Variants in UBR1 observed in about 807,000 individuals in gnomAD.
UBR1 encodes the protein ubiquitin protein ligase E3 component n-recognin 1.
Under a neutral mutation model 242.1 loss-of-function variants are expected in UBR1, and 102 were observed. That is an observed-to-expected ratio of 0.42 (90% confidence interval 0.36 to 0.50). UBR1 has a LOEUF of 0.50. Among genes scored for constraint, UBR1 ranks in the 20% least tolerant of loss-of-function variants. UBR1 has a pLI of 0.01. For synonymous variants in UBR1, 675 were observed against 684.8 expected (o/e 0.99, Z 0.22); for missense variants, 1,772 against 2,101.8 (o/e 0.84, Z 3.07).
chr15:42,951,599 A>G (rs1350253334), intron 45 of UBR1, among the ~76,000 whole-genome samples: 1 of 152,182 alleles, frequency 6.6e-6, no homozygotes, highest in Non-Finnish European at 1.5e-5. Flanking sequence ...TGAAATAAAG[A>G]TATCACAGGA....
chr15:43,015,938 G>T, intron 28 of UBR1, 69 bp from the exon 29 acceptor site: 1 of 1,427,086 alleles, frequency 7.0e-7, no homozygotes, highest in Non-Finnish European at 9.8e-7. Flanking sequence ...TGTTTGGATG[G>T]CAAAATTCCT....
chr15:43,054,195 T>C (rs1184560327), intron 12 of UBR1, among the ~76,000 whole-genome samples: 2 of 151,118 alleles, frequency 1.3e-5, no homozygotes, highest in Non-Finnish European at 3.0e-5. Flanking sequence ...TACAAAACAA[T>C]AAAAAATTTG....
chr15:42,973,991 C>T lies in UBR1; in HGVS notation c.4369+2726G>A, dbSNP rs144615681. Reference sequence around the variant, plus strand: ...GCAAGCTCCACCTCCCGGGTTCACGCCATTCTCCTGCCTCAGCCTCCCAAG... The same window carrying T: ...GCAAGCTCCACCTCCCGGGTTCACGTCATTCTCCTGCCTCAGCCTCCCAAG... On this transcript the variant is annotated intron_variant, in intron 39 of 46. Transcript: ENST00000290650. Among the ~76,000 whole-genome samples the T allele has an allele frequency of 2.2e-3, 337 of 151,362 alleles. 3 individuals carry two copies. Among genetic ancestry groups the T allele is most frequent in the African/African-American group, 7.8e-3 (320 of 41,194 alleles).
intron 1 of UBR1, among the ~76,000 whole-genome samples, chr15:43,101,651 G>A (rs1479809587): frequency 6.6e-6 from 1 of 151,964 alleles, no homozygotes; most frequent in Non-Finnish European, 1.5e-5. Flanking sequence ...CCAATATGGT[G>A]AAACCCCACC....
rs1160622747 is a variant in UBR1 at position 42,963,990 on chromosome 15, T to G, written c.4645A>C (p.Asn1549His). Residue 1549 changes from asparagine (N) to histidine (H), a missense_variant, in exon 42 of 47, where the codon AAT becomes CAT. Transcript: ENST00000290650. ...TATTCCTGGAAGAGCAGGAACAAAT[T>G]TGTAGGTAAAGATAGATAGCTACAG... is the stretch of plus-strand genomic sequence containing the variant. ...ALCSYLSLPTNLFLLFQEYWD... is the reference protein window; with the variant it reads ...ALCSYLSLPTHLFLLFQEYWD... The G allele has an allele frequency of 6.2e-7, 1 of 1,613,540 alleles. No individual in the cohort carries two copies. Among genetic ancestry groups the G allele is most frequent in the African/African-American group, 1.3e-5 (1 of 74,966 alleles).
chr15:42,944,453 T>C lies in UBR1; in HGVS notation c.*876A>G, dbSNP rs1038075803. On this transcript the variant is annotated 3_prime_UTR_variant, in exon 47 of 47. Coordinates refer to ENST00000290650, the MANE Select transcript of UBR1 (RefSeq NM_174916.3). Reference sequence around the variant, plus strand: ...TAAATCTGATTGTTCTAATTTACAGTTGTCATGATCCACTCATTGCGAGAA... The same window carrying C: ...TAAATCTGATTGTTCTAATTTACAGCTGTCATGATCCACTCATTGCGAGAA... 5.3e-5 allele frequency: 8 copies of C among 152,262 alleles called. No individual in the cohort carries two copies. Among genetic ancestry groups the C allele is most frequent in the Non-Finnish European group, 1.2e-4 (8 of 68,032 alleles). The allele number at this position is 152,262 out of a possible 1,614,324, so 9.4% of individuals were successfully genotyped here.
intron 28 of UBR1, among the ~76,000 whole-genome samples, chr15:43,016,409 G>A (rs2033024548): frequency 6.6e-6 from 1 of 151,940 alleles, no homozygotes; most frequent in Non-Finnish European, 1.5e-5. Context: ...ATCAAAACCT[G>A]ATTCACTATA....
At chr15:43,045,191 G>C (rs1014812860) in intron 14 of UBR1, among the ~76,000 whole-genome samples, 7 of 152,164 alleles carry the variant, frequency 4.6e-5, no homozygotes, top group Non-Finnish European at 1.0e-4. Context: ...AGGTGTGGTG[G>C]CTCATGCCTA....
At chr15:42,991,775 G>A (rs1204889288) in intron 33 of UBR1, among the ~76,000 whole-genome samples, 1 of 151,840 alleles carries the variant, frequency 6.6e-6, no homozygotes, top group African/African-American at 2.4e-5. Context: ...TAGCCTTGCT[G>A]TGTTGCCCAG....
Position 42,988,946 on chromosome 15 carries a change from G to C in UBR1, c.3870C>G (p.Ile1290Met). The C allele has an allele frequency of 6.2e-7, 1 of 1,603,506 alleles. No homozygotes were observed. The highest frequency in any genetic ancestry group is 8.5e-7 in the Non-Finnish European group (1 of 1,170,466). Residue 1290 changes from isoleucine (I) to methionine (M), a missense_variant, in exon 35 of 47, where the codon ATC becomes ATG. Ile to Met is a conservative substitution (Grantham distance 10, BLOSUM62 1). Coordinates refer to ENST00000290650, the MANE Select transcript of UBR1 (RefSeq NM_174916.3). ...TGGCAAAGAGAATAACCATTTCCTT[G>C]ATGCTATTTGAATATTTAATCCTAT... The part of the protein sequence containing the change: ...VESSIKYSNS[I>M]KEMVILFATT...
At chr15:43,064,455 A>T (rs1033083507) in intron 6 of UBR1, among the ~76,000 whole-genome samples, 2 of 152,230 alleles carry the variant, frequency 1.3e-5, no homozygotes, top group Non-Finnish European at 2.9e-5. Context: ...TCCAACAAGC[A>T]AAGCAGTCAG....
At chr15:43,021,504 T>G in intron 26 of UBR1, 129 bp from the exon 27 acceptor site, 1 of 777,850 alleles carries the variant, frequency 1.3e-6, no homozygotes, top group Admixed American at 2.1e-5. Context: ...TGTAAAATGG[T>G]GTAGTATTTG....
intron 13 of UBR1, among the ~76,000 whole-genome samples, chr15:43,048,051 G>C (rs996079075): frequency 6.6e-6 from 1 of 152,082 alleles, no homozygotes; most frequent in Non-Finnish European, 1.5e-5. Context: ...GCTGGGTGTG[G>C]TGGTGCATGC....
intron 27 of UBR1, among the ~76,000 whole-genome samples, chr15:43,019,600 T>G (rs1596104539): frequency 6.8e-6 from 1 of 147,976 alleles, no homozygotes; most frequent in Admixed American, 6.7e-5. Context: ...TTTTTTTTTT[T>G]GAGACAGAGT....
intron 37 of UBR1, among the ~76,000 whole-genome samples, chr15:42,980,077 C>G (rs2032352102): frequency 6.6e-6 from 1 of 152,068 alleles, no homozygotes; most frequent in African/African-American, 2.4e-5. Flanking sequence ...TATGATACTA[C>G]CTATCTTATT....
At chr15:43,081,502 T>G (rs1398857665) in intron 3 of UBR1, among the ~76,000 whole-genome samples, 1 of 152,052 alleles carries the variant, frequency 6.6e-6, no homozygotes, top group Non-Finnish European at 1.5e-5. Context: ...CTTTGGATTT[T>G]CACTATTCTA....
rs2032315968 is a variant in UBR1 at position 42,977,959 on chromosome 15, A to C, written c.4151-12T>G. On this transcript the variant is annotated splice_polypyrimidine_tract_variant and intron_variant, in intron 37 of 46. Coordinates refer to ENST00000290650, the MANE Select transcript of UBR1 (RefSeq NM_174916.3). ...GTTAGGAAGAACAACTAAAACAAACAAAAAGTTAATGTAATTCAGTCAGTA... is the reference window on the plus strand; with the variant it reads ...GTTAGGAAGAACAACTAAAACAAACCAAAAGTTAATGTAATTCAGTCAGTA... 6.2e-7 allele frequency: 1 copy of C among 1,605,978 alleles called. No homozygotes were observed. The highest frequency in any genetic ancestry group is 1.7e-5 in the Admixed American group (1 of 59,990).
At chr15:43,090,434 T>C (rs984738541) in intron 1 of UBR1, among the ~76,000 whole-genome samples, 24 of 152,108 alleles carry the variant, frequency 1.6e-4, no homozygotes, top group African/African-American at 5.3e-4. Flanking sequence ...AAAATTAAAA[T>C]TTATTTTACT....
rs781629517 is a variant in UBR1 at position 42,963,955 on chromosome 15, A to G, written c.4680T>C (p.Thr1560=). ...LFLLFQEYWD[T]VRPLLQRWCA... ...AGTACCTCTGGAGCAAGGGCCTTAC[A>G]GTATCCCAATATTCCTGGAAGAGCA... The change falls in exon 42 of 47, where the codon ACT becomes ACC. Residue 1560 remains threonine, a synonymous_variant. Transcript: ENST00000290650. 1.8e-5 allele frequency: 29 copies of G among 1,612,574 alleles called. No homozygotes were observed. Among genetic ancestry groups the G allele is most frequent in the Admixed American group, 1.0e-4 (6 of 59,980 alleles).
Sources: gnomAD v4.1 joint callset for allele counts (sites outside exome capture counted in the v4.1 genomes callset) on GRCh38, gnomAD v4.1.1 for gene constraint, MANE v1.5 for transcripts, NCBI Gene and HGNC (gene_info 2026-07-23, HGNC 2026-07-21) for gene names.